The following CDYL variants were observed in gnomAD, a reference collection of about 807,000 sequenced individuals.
The protein encoded by CDYL is chromodomain Y like, also known as chromodomain Y-like protein.
Under a neutral mutation model 47.3 loss-of-function variants are expected in CDYL, and 8 were observed. The ratio of observed to expected loss-of-function variants is 0.17; its 90% CI spans 0.10 to 0.31. The LOEUF (loss-of-function observed/expected upper bound fraction) is 0.31. Among genes scored for constraint, CDYL ranks in the 10% least tolerant of loss-of-function variants. The probability of loss-of-function intolerance (pLI) is 1.00; values close to 1 mark genes in which losing one functional copy is unlikely to be tolerated. For synonymous variants in CDYL, 266 were observed against 265.0 expected (o/e 1.00, Z -0.04); for missense variants, 471 against 701.4 (o/e 0.67, Z 3.71).
intron 2 of CDYL, among the ~76,000 whole-genome samples, chr6:4,902,390 G>A (rs962431266): frequency 1.3e-5 from 2 of 148,322 alleles, no homozygotes; most frequent in Non-Finnish European, 3.0e-5. Context: ...TGGGCAACGA[G>A]TGAAGCTCCA....
chr6:4,800,228 C>T (rs1239620783), intron 1 of CDYL, among the ~76,000 whole-genome samples: 3 of 151,574 alleles, frequency 2.0e-5, no homozygotes, highest in African/African-American at 7.3e-5. Context: ...GCTTTTGTTC[C>T]TCCTCTTTTG....
intron 1 of CDYL, among the ~76,000 whole-genome samples, chr6:4,872,271 C>T (rs1761497345): frequency 6.6e-6 from 1 of 150,474 alleles, no homozygotes. Context: ...TACTATGTGC[C>T]TGGTGAATTC....
chr6:4,804,380 G>T lies in CDYL; in HGVS notation c.24+27573G>T, dbSNP rs146598939. ...CCACATCACTGCAGGGCAGGCATTA[G>T]TCACCACTTTTAGAGCTGAAGAGAA... is the stretch of plus-strand genomic sequence containing the variant. On this transcript the variant is annotated intron_variant, in intron 1 of 6. Coordinates refer to ENST00000397588, the MANE Select transcript of CDYL (RefSeq NM_004824.4). Among the ~76,000 whole-genome samples the T allele has an allele frequency of 3.6e-3, 544 of 152,332 alleles. 4 individuals are homozygous for T. The highest frequency in any genetic ancestry group is 5.5e-3 in the Non-Finnish European group (377 of 68,014).
chr6:4,751,368 C>T (rs1757987078), intron 3 of CDYL, among the ~76,000 whole-genome samples: 1 of 152,244 alleles, frequency 6.6e-6, no homozygotes, highest in Non-Finnish European at 1.5e-5. Flanking sequence ...TATTGAGGTG[C>T]CCAAGTGATT....
At chr6:4,758,875 A>G (rs201560379) in intron 3 of CDYL, among the ~76,000 whole-genome samples, 2 of 151,390 alleles carry the variant, frequency 1.3e-5, no homozygotes, top group East Asian at 3.9e-4. Flanking sequence ...TATGTAATAT[A>G]TTTACATATT....
At chr6:4,809,046 G>A (rs1186291218) in intron 1 of CDYL, among the ~76,000 whole-genome samples, 2 of 152,020 alleles carry the variant, frequency 1.3e-5, no homozygotes, top group African/African-American at 4.8e-5. Flanking sequence ...CATTCTGTAC[G>A]CCCTCCACTC....
intron 1 of CDYL, among the ~76,000 whole-genome samples, chr6:4,826,377 C>A (rs1460786211): frequency 1.3e-5 from 2 of 151,966 alleles, no homozygotes; most frequent in African/African-American, 4.8e-5. Flanking sequence ...TTATTATTTT[C>A]ATCCTTCTGG....
intron 2 of CDYL, among the ~76,000 whole-genome samples, chr6:4,894,330 A>C (rs2127486510): frequency 6.6e-6 from 1 of 152,286 alleles, no homozygotes; most frequent in East Asian, 1.9e-4. Flanking sequence ...GGGGCCAGGC[A>C]CGGTGCTGGA....
intron 2 of CDYL, among the ~76,000 whole-genome samples, chr6:4,719,626 T>C (rs764616363): frequency 6.6e-6 from 1 of 152,246 alleles, no homozygotes; most frequent in African/African-American, 2.4e-5. Flanking sequence ...GAAGCTATAA[T>C]GAAGACAACA....
intron 1 of CDYL, among the ~76,000 whole-genome samples, chr6:4,850,319 G>A (rs1212649072): frequency 6.6e-6 from 1 of 152,304 alleles, no homozygotes; most frequent in East Asian, 1.9e-4. Context: ...AAGAGATGTA[G>A]TGTCTTATAC....
intron 1 of CDYL, among the ~76,000 whole-genome samples, chr6:4,881,921 A>G (rs1371472989): frequency 2.6e-5 from 4 of 152,180 alleles, no homozygotes; most frequent in Non-Finnish European, 5.9e-5. Flanking sequence ...CTTCTAGACT[A>G]CTTTTTCAAG....
At chr6:4,782,400 T>C (rs1397926110) in intron 1 of CDYL, among the ~76,000 whole-genome samples, 1 of 152,200 alleles carries the variant, frequency 6.6e-6, no homozygotes, top group East Asian at 1.9e-4. Flanking sequence ...TCCTGACTCC[T>C]TACTTACCTC....
chr6:4,744,921 A>G, intron 3 of CDYL, among the ~76,000 whole-genome samples: 1 of 152,268 alleles, frequency 6.6e-6, no homozygotes, highest in African/African-American at 2.4e-5. Context: ...TCACCTATGT[A>G]ATCAGTCTGG....
At chr6:4,800,838 A>G (rs1394098091) in intron 1 of CDYL, among the ~76,000 whole-genome samples, 1 of 151,986 alleles carries the variant, frequency 6.6e-6, no homozygotes, top group Admixed American at 6.6e-5. Flanking sequence ...TTATGACGTC[A>G]TTTTCTCTGG....
intron 1 of CDYL, among the ~76,000 whole-genome samples, chr6:4,842,274 C>T (rs2127459551): frequency 6.9e-6 from 1 of 144,762 alleles, no homozygotes; most frequent in East Asian, 2.0e-4. Context: ...ATATAAATAT[C>T]TGTTAAGTCC....
intron 2 of CDYL, among the ~76,000 whole-genome samples, chr6:4,716,083 C>T (rs1271169376): frequency 7.1e-6 from 1 of 141,074 alleles, no homozygotes; most frequent in East Asian, 2.1e-4. Context: ...CCCGTCTCTA[C>T]TAAAAATACA....
At chr6:4,708,498 G>T (rs1021091299) in intron 1 of CDYL, among the ~76,000 whole-genome samples, 2 of 152,058 alleles carry the variant, frequency 1.3e-5, no homozygotes, top group Admixed American at 6.6e-5. Context: ...TCATATCAAT[G>T]AATAAACATT....
chr6:4,752,154 T>C (rs1004791138), intron 3 of CDYL, among the ~76,000 whole-genome samples: 6 of 152,182 alleles, frequency 3.9e-5, no homozygotes, highest in Non-Finnish European at 7.4e-5. Context: ...CACGTTAATA[T>C]TCGCAGCATA....
chr6:4,935,340 G>A (rs1268474326), intron 2 of CDYL, among the ~76,000 whole-genome samples, 175 bp from the exon 3 acceptor site: 1 of 152,214 alleles, frequency 6.6e-6, no homozygotes, highest in Non-Finnish European at 1.5e-5. Context: ...GCTTGAAAGA[G>A]AGCAAGTGGC....
Sources: allele counts gnomAD v4.1 joint callset (sites outside exome capture counted in the v4.1 genomes callset), GRCh38; gene constraint gnomAD v4.1.1; transcripts MANE v1.5; gene names NCBI Gene and HGNC (gene_info 2026-07-23, HGNC 2026-07-21).